The following TRDN variants were observed in gnomAD, a reference collection of about 807,000 sequenced individuals.
TRDN encodes the protein triadin in skeletal muscle.
Under a neutral mutation model 149.7 loss-of-function variants are expected in TRDN, and 161 were observed. The ratio of observed to expected loss-of-function variants is 1.08; its 90% CI spans 0.95 to 1.23. The LOEUF (loss-of-function observed/expected upper bound fraction) is 1.23, where lower values mean the gene tolerates loss of function less well. Ranked by LOEUF, TRDN falls within the 50% of genes most tolerant of loss-of-function variation. The pLI, the probability that TRDN is intolerant of heterozygous loss-of-function variation, is 0.00. For synonymous variants in TRDN, 294 were observed against 250.5 expected, an observed-to-expected ratio of 1.17 and a Z score of -1.64; for missense variants, 896 against 823.5, an observed-to-expected ratio of 1.09 and a Z score of -1.08.
chr6:123,389,792 T>A (rs1782039156), intron 13 of TRDN, among the ~76,000 whole-genome samples: 1 of 152,116 alleles, frequency 6.6e-6, no homozygotes, highest in African/African-American at 2.4e-5. Flanking sequence ...TATAGCAGAT[T>A]TATATTTACA....
intron 10 of TRDN, among the ~76,000 whole-genome samples, chr6:123,444,089 G>T (rs2114619212): frequency 6.8e-6 from 1 of 147,930 alleles, no homozygotes; most frequent in Non-Finnish European, 1.5e-5. Flanking sequence ...GGATGGCATT[G>T]AATCTGTAAA....
intron 4 of TRDN, among the ~76,000 whole-genome samples, chr6:123,542,143 T>C (rs1433282390): frequency 6.6e-6 from 1 of 152,226 alleles, no homozygotes; most frequent in Admixed American, 6.5e-5. Flanking sequence ...GAATTGTAAT[T>C]TGTTTTGCTG....
chr6:123,331,059 T>C (rs1779642808), intron 23 of TRDN, among the ~76,000 whole-genome samples: 1 of 152,096 alleles, frequency 6.6e-6, no homozygotes, highest in Admixed American at 6.6e-5. Context: ...ATAATTTCAG[T>C]GACTCATTAA....
At chr6:123,532,366 T>C (rs1471735660) in intron 4 of TRDN, among the ~76,000 whole-genome samples, 2 of 151,924 alleles carry the variant, frequency 1.3e-5, no homozygotes, top group African/African-American at 2.4e-5. Flanking sequence ...TGCAGGTATA[T>C]TGCAGATGTA....
chr6:123,356,549 A>ATATATATATATG (rs1388124032), intron 20 of TRDN, among the ~76,000 whole-genome samples: 1 of 116,278 alleles, frequency 8.6e-6, no homozygotes, highest in Non-Finnish European at 1.8e-5. Flanking sequence ...ATATATATAT[A>ATATATATATATG]GTTGTTGCTC....
intron 22 of TRDN, among the ~76,000 whole-genome samples, chr6:123,332,677 A>AT: frequency 6.6e-6 from 1 of 152,098 alleles, no homozygotes. Flanking sequence ...CTCAATAAAG[A>AT]TTTTATGGAT....
intron 38 of TRDN, among the ~76,000 whole-genome samples, chr6:123,231,547 C>A (rs9490710): frequency 0.05 from 7,670 of 151,888 alleles, 618 homozygotes; most frequent in African/African-American, 0.17. Context: ...ATCACACACA[C>A]AAAAAATTTT....
At chr6:123,366,208 G>C (rs1165350196) in intron 19 of TRDN, 26 bp from the exon 20 acceptor site, 1 of 1,608,162 alleles carries the variant, frequency 6.2e-7, no homozygotes, top group Non-Finnish European at 8.5e-7. Flanking sequence ...TTAAAGGAAT[G>C]AGAAGTGGAT....
intron 38 of TRDN, among the ~76,000 whole-genome samples, chr6:123,238,924 T>C (rs1429406463): frequency 1.3e-5 from 2 of 152,162 alleles, no homozygotes; most frequent in African/African-American, 4.8e-5. Context: ...CACTGCAAAC[T>C]CCACCTCCTG....
chr6:123,337,466 C>A (rs1365906672), intron 22 of TRDN, among the ~76,000 whole-genome samples, 153 bp downstream of exon 22: 1 of 151,872 alleles, frequency 6.6e-6, no homozygotes, highest in Non-Finnish European at 1.5e-5. Flanking sequence ...ATTTTAGAGA[C>A]AAACAAATAA....
chr6:123,636,918 C>G lies in TRDN; in HGVS notation c.-143G>C. ...GTTTTCCTGGCTGTTTCTGCTGCTT[C>G]TTTGTTGTCCTGTTGAACTTTGCCT... On this transcript the variant is annotated 5_prime_UTR_variant, in exon 1 of 41. Coordinates refer to ENST00000334268, the MANE Select transcript of TRDN (RefSeq NM_006073.4). 1 of 894,780 alleles carries G rather than the reference C, an allele frequency of 1.1e-6. No individual in the cohort carries two copies. The highest frequency in any genetic ancestry group is 2.6e-5 in the East Asian group (1 of 38,660). The allele number at this position is 894,780 out of a possible 1,614,324, so 55.4% of individuals were successfully genotyped here.
intron 1 of TRDN, among the ~76,000 whole-genome samples, chr6:123,624,859 AG>A (rs1785569535): frequency 1.3e-5 from 2 of 152,302 alleles, no homozygotes; most frequent in South Asian, 4.1e-4. Context: ...ATGGGATGAC[AG>A]GGAACTAGGA....
At chr6:123,322,552 T>A (rs894333976) in intron 23 of TRDN, among the ~76,000 whole-genome samples, 1 of 151,564 alleles carries the variant, frequency 6.6e-6, no homozygotes, top group Non-Finnish European at 1.5e-5. Context: ...TTGGTCTGCC[T>A]TATTGAAGGG....
At chr6:123,307,165 A>C (rs914440129) in intron 24 of TRDN, among the ~76,000 whole-genome samples, 1 of 152,112 alleles carries the variant, frequency 6.6e-6, no homozygotes, top group Admixed American at 6.6e-5. Flanking sequence ...TCACCTTTAT[A>C]GGAGAGGATT....
chr6:123,235,841 A>T (rs919337632), intron 38 of TRDN, among the ~76,000 whole-genome samples: 3 of 152,254 alleles, frequency 2.0e-5, no homozygotes, highest in East Asian at 1.9e-4. Flanking sequence ...GAAATAACGT[A>T]TTTGAATTCA....
intron 23 of TRDN, among the ~76,000 whole-genome samples, chr6:123,328,261 T>C (rs530892772): frequency 6.6e-6 from 1 of 152,328 alleles, no homozygotes; most frequent in East Asian, 1.9e-4. Flanking sequence ...CTGGCACGCA[T>C]GCCCTCACAC....
chr6:123,465,158 C>A (rs754942786), intron 9 of TRDN, among the ~76,000 whole-genome samples, 175 bp from the exon 10 acceptor site: 9 of 152,126 alleles, frequency 5.9e-5, no homozygotes, highest in Non-Finnish European at 5.9e-5. Context: ...TAAGAAGACA[C>A]CTTCGCGGAT....
At chr6:123,284,561 C>A (rs1397560969) in intron 24 of TRDN, among the ~76,000 whole-genome samples, 1 of 152,056 alleles carries the variant, frequency 6.6e-6, no homozygotes, top group African/African-American at 2.4e-5. Flanking sequence ...CAGCGTAACA[C>A]TGAATGGGAA....
At chr6:123,361,764 T>G (rs1488389193) in intron 20 of TRDN, among the ~76,000 whole-genome samples, 7 of 152,206 alleles carry the variant, frequency 4.6e-5, no homozygotes, top group Non-Finnish European at 1.0e-4. Context: ...TTGGAAGTTT[T>G]TTTTTCTGCA....
Sources: allele counts gnomAD v4.1 joint callset (sites outside exome capture counted in the v4.1 genomes callset), GRCh38; gene constraint gnomAD v4.1.1; transcripts MANE v1.5; gene names NCBI Gene and HGNC (gene_info 2026-07-23, HGNC 2026-07-21).